MTUS1: variants seen among roughly 807,000 people sequenced by gnomAD.
MTUS1 encodes microtubule-associated tumor suppressor 1.
Under a neutral mutation model 120.8 loss-of-function variants are expected in MTUS1, and 109 were observed. The observed-to-expected ratio is 0.90, with a 90% CI of 0.77 to 1.06. The LOEUF (loss-of-function observed/expected upper bound fraction) is 1.06, where lower values mean the gene tolerates loss of function less well. MTUS1 is among the 50% of genes least tolerant of loss of function. The pLI, the probability that MTUS1 is intolerant of heterozygous loss-of-function variation, is 0.00. For synonymous variants in MTUS1, 737 were observed against 550.5 expected (o/e 1.34, Z -4.74); for missense variants, 2,210 against 1,486.3 (o/e 1.49, Z -8.01).
chr8:17,773,150 T>C lies in MTUS1; in HGVS notation c.-154-17189A>G, dbSNP rs556158449. On this transcript the variant is annotated intron_variant, in intron 1 of 14. Coordinates refer to ENST00000693296, the MANE Select transcript of MTUS1 (RefSeq NM_001363059.2). ...AGAGGATCCAAGAGGAAAAAAGATATACAGTAAAATAAAAAGATTAGGAAT... is the reference window on the plus strand; with the variant it reads ...AGAGGATCCAAGAGGAAAAAAGATACACAGTAAAATAAAAAGATTAGGAAT... 6.6e-5 allele frequency among the ~76,000 whole-genome samples: 10 copies of C among 152,118 alleles called. No individual in the cohort carries two copies. The East Asian group carries it at 1.5e-3, about 23-fold the overall frequency.
intron 3 of MTUS1, among the ~76,000 whole-genome samples, chr8:17,738,022 AAAG>A (rs574839180): frequency 4.6e-4 from 70 of 152,370 alleles, no homozygotes; most frequent in African/African-American, 8.9e-4. Context: ...ACTTAGCAAG[AAAG>A]AAGAGAAACC....
rs2048560037 is a variant in MTUS1, at chr8:17,755,699, G to C, written c.109C>G (p.Gln37Glu). 6.2e-7 allele frequency: 1 copy of C among 1,614,188 alleles called. No individual in the cohort carries two copies. Among genetic ancestry groups the C allele is most frequent in the Non-Finnish European group, 8.5e-7 (1 of 1,180,016 alleles). The change falls in exon 2 of 15, where the codon CAA becomes GAA. Residue 37 changes from glutamine to glutamate, a missense_variant. Coordinates refer to ENST00000693296, the MANE Select transcript of MTUS1 (RefSeq NM_001363059.2). ...TTCACACTGCTGGCTGAAGAGTTTT[G>C]TGTAGGTGGTGATTTCGGGTTGTAT... ...HAYNPKSPPTQNSSASSVNWN... is the reference protein window; with the variant it reads ...HAYNPKSPPTENSSASSVNWN...
At chr8:17,653,874 A>G (rs1196716734) in intron 10 of MTUS1, 1 of 169,950 alleles carries the variant, frequency 5.9e-6, no homozygotes, top group Non-Finnish European at 1.2e-5. Context: ...ACATAAGTCT[A>G]AAATTATACT....
intron 1 of MTUS1, among the ~76,000 whole-genome samples, chr8:17,788,075 C>A (rs566844880): frequency 6.6e-6 from 1 of 152,040 alleles, no homozygotes; most frequent in Non-Finnish European, 1.5e-5. Flanking sequence ...GAGCCGAGAT[C>A]GTGCCCTTGC....
chr8:17,721,982 A>G (rs2045880752), intron 4 of MTUS1: 1 of 1,424,836 alleles, frequency 7.0e-7, no homozygotes, highest in Non-Finnish European at 9.2e-7. Context: ...CTCTTAGTGA[A>G]TTCGAATGGA....
In MTUS1 at chr8:17,675,198, G is replaced by A. The variant is rs924802638; in HGVS notation, c.2893C>T (p.Arg965Trp). The A allele has an allele frequency of 6.2e-6, 10 of 1,614,056 alleles. No homozygotes were observed. The highest frequency in any genetic ancestry group is 4.5e-5 in the East Asian group (2 of 44,880). Residue 965 changes from arginine to tryptophan, a missense_variant, in exon 8 of 15, where the codon CGG becomes TGG. Arg to Trp is a moderately radical substitution (Grantham distance 101, BLOSUM62 -3). Coordinates refer to ENST00000693296, the MANE Select transcript of MTUS1 (RefSeq NM_001363059.2). ...AAAAAGCTCTTACCTAGCTCTCCCC[G>A]GAGGTTAACAAGTTCTTGAGATAGG... is the stretch of plus-strand genomic sequence containing the variant. The part of the protein sequence containing the change: ...KTLSQELVNL[R>W]GELVTASTTC...
intron 1 of MTUS1, among the ~76,000 whole-genome samples, chr8:17,787,240 C>T (rs905902971): frequency 2.0e-5 from 3 of 152,306 alleles, no homozygotes; most frequent in South Asian, 2.1e-4. Flanking sequence ...GTAAAGATAA[C>T]GACATCAGTG....
chr8:17,673,332 G>C (rs543694713), intron 8 of MTUS1, among the ~76,000 whole-genome samples: 3 of 152,268 alleles, frequency 2.0e-5, no homozygotes, highest in Middle Eastern at 3.4e-3. Flanking sequence ...TTTCCATAAA[G>C]AGGCCTTCAT....
intron 6 of MTUS1, among the ~76,000 whole-genome samples, chr8:17,707,591 T>G (rs537065424): frequency 1.3e-5 from 2 of 152,302 alleles, no homozygotes; most frequent in East Asian, 3.9e-4. Flanking sequence ...TTGGAATTAT[T>G]AGATTACATT....
chr8:17,745,206 A>T (rs76537124), intron 2 of MTUS1, among the ~76,000 whole-genome samples: 1 of 152,200 alleles, frequency 6.6e-6, no homozygotes, highest in African/African-American at 2.4e-5. Flanking sequence ...GTGAACGTGT[A>T]CAGTTGTCCC....
chr8:17,733,050 C>G (rs1476936882), intron 3 of MTUS1, among the ~76,000 whole-genome samples: 3 of 152,120 alleles, frequency 2.0e-5, no homozygotes, highest in Non-Finnish European at 4.4e-5. Flanking sequence ...CTATGATTTT[C>G]AAGACTATAC....
At chr8:17,659,080 C>A (rs974236347) in intron 8 of MTUS1, among the ~76,000 whole-genome samples, 1 of 152,116 alleles carries the variant, frequency 6.6e-6, no homozygotes, top group African/African-American at 2.4e-5. Flanking sequence ...ATAAGGAAAC[C>A]GCCACAGAGA....
chr8:17,725,221 T>C (rs1158694779), intron 3 of MTUS1, among the ~76,000 whole-genome samples: 1 of 152,198 alleles, frequency 6.6e-6, no homozygotes, highest in Non-Finnish European at 1.5e-5. Flanking sequence ...CATTGTTGCG[T>C]ATCACTAAGG....
chr8:17,708,328 G>T (rs1325355648), intron 6 of MTUS1, among the ~76,000 whole-genome samples: 1 of 152,202 alleles, frequency 6.6e-6, no homozygotes, highest in Non-Finnish European at 1.5e-5. Context: ...ATATACAAAT[G>T]GCCAGTAAGC....
At chr8:17,671,829 G>A (rs574041905) in intron 8 of MTUS1, among the ~76,000 whole-genome samples, 64 of 152,310 alleles carry the variant, frequency 4.2e-4, no homozygotes, top group Admixed American at 9.8e-4. Context: ...TTGGAGGGAA[G>A]AAGTGGGTGC....
intron 6 of MTUS1, among the ~76,000 whole-genome samples, chr8:17,691,090 C>T (rs1338392294): frequency 6.6e-6 from 1 of 152,162 alleles, no homozygotes; most frequent in Non-Finnish European, 1.5e-5. Context: ...TGCCATATTC[C>T]TCCAGTGTCT....
At chr8:17,687,085 T>G (rs1815968875) in intron 6 of MTUS1, among the ~76,000 whole-genome samples, 1 of 152,162 alleles carries the variant, frequency 6.6e-6, no homozygotes, top group South Asian at 2.1e-4. Context: ...AGGATAGCTT[T>G]ATGATTAAGG....
intron 2 of MTUS1, among the ~76,000 whole-genome samples, chr8:17,749,014 C>T (rs368161403): frequency 6.6e-6 from 1 of 152,064 alleles, no homozygotes; most frequent in African/African-American, 2.4e-5. Context: ...AAATTCTAAG[C>T]CCCCCAACCA....
chr8:17,656,769 G>C (rs1436680979), intron 8 of MTUS1, among the ~76,000 whole-genome samples: 3 of 151,820 alleles, frequency 2.0e-5, no homozygotes, highest in Non-Finnish European at 4.4e-5. Context: ...GGAAAGACGA[G>C]GGATAAGAAA....
Sources: gnomAD v4.1 joint callset for allele counts (sites outside exome capture counted in the v4.1 genomes callset) on GRCh38, gnomAD v4.1.1 for gene constraint, MANE v1.5 for transcripts, NCBI Gene and HGNC (gene_info 2026-07-23, HGNC 2026-07-21) for gene names.